The following SNTG1 variants were observed in gnomAD, a reference collection of about 807,000 sequenced individuals.
SNTG1 encodes gamma-1-syntrophin.
A neutral mutation model predicts 74.7 loss-of-function variants in SNTG1; 39 were observed. The ratio of observed to expected loss-of-function variants is 0.52; its 90% CI spans 0.40 to 0.68. The LOEUF is 0.68. SNTG1 is among the 30% of genes least tolerant of loss of function. SNTG1 has a pLI of 0.00. For missense variants in SNTG1, 685 were observed against 609.5 expected, an observed-to-expected ratio of 1.12 and a Z score of -1.30; for synonymous variants, 254 against 217.1, an observed-to-expected ratio of 1.17 and a Z score of -1.49.
rs180857581 is a variant in SNTG1 at position 50,328,551 on chromosome 8, G to T, written c.-27-65661G>T. Among the ~76,000 whole-genome samples the T allele has an allele frequency of 1.4e-3, 206 of 152,224 alleles. 7 individuals carry two copies. Among genetic ancestry groups the T allele is most frequent in the Admixed American group, 0.011 (168 of 15,284 alleles). Reference sequence around the variant, plus strand: ...GACAGAGAGAGCATGTGTGAAGGAGGTACTGTCAAACACTTATAAAACCAT... The same window carrying T: ...GACAGAGAGAGCATGTGTGAAGGAGTTACTGTCAAACACTTATAAAACCAT... On this transcript the variant is annotated intron_variant, in intron 2 of 18. Transcript: ENST00000642720.
chr8:50,512,790 CATTGGTTATTTT>C (rs1487123991), intron 9 of SNTG1, among the ~76,000 whole-genome samples: 1 of 152,122 alleles, frequency 6.6e-6, no homozygotes, highest in Non-Finnish European at 1.5e-5. Flanking sequence ...GACTGCTCTG[CATTGGTTATTTT>C]AGTTAGCCAT....
At chr8:50,764,924 A>G (rs1339978869) in intron 18 of SNTG1, among the ~76,000 whole-genome samples, 1 of 152,062 alleles carries the variant, frequency 6.6e-6, no homozygotes, top group Admixed American at 6.6e-5. Context: ...TGGTATATGT[A>G]TACATAATGG....
At chr8:50,240,637 G>A (rs1280110106) in intron 2 of SNTG1, among the ~76,000 whole-genome samples, 2 of 152,130 alleles carry the variant, frequency 1.3e-5, no homozygotes, top group East Asian at 3.9e-4. Context: ...GGATCCTGGA[G>A]CTCAGTCAAG....
At chr8:50,705,405 G>A (rs2095440145) in intron 16 of SNTG1, among the ~76,000 whole-genome samples, 1 of 152,020 alleles carries the variant, frequency 6.6e-6, no homozygotes, top group South Asian at 2.1e-4. Context: ...TTTACATGAA[G>A]TCATTAACAC....
intron 4 of SNTG1, among the ~76,000 whole-genome samples, chr8:50,425,117 G>A (rs1364359456): frequency 6.6e-6 from 1 of 152,080 alleles, no homozygotes; most frequent in African/African-American, 2.4e-5. Context: ...AAGAAGAAAT[G>A]GCACAAGATT....
intron 17 of SNTG1, among the ~76,000 whole-genome samples, chr8:50,727,258 G>T (rs1263921173): frequency 1.3e-5 from 2 of 152,182 alleles, no homozygotes; most frequent in Non-Finnish European, 2.9e-5. Context: ...TGGAGTAAAA[G>T]TGCTGACAAT....
At chr8:50,049,172 A>T (rs1369080451) in intron 1 of SNTG1, among the ~76,000 whole-genome samples, 1 of 152,150 alleles carries the variant, frequency 6.6e-6, no homozygotes, top group African/African-American at 2.4e-5. Context: ...CAACTATGTC[A>T]ATAATCACTT....
chr8:50,446,908 T>G (rs1187816261), intron 5 of SNTG1, among the ~76,000 whole-genome samples: 2 of 152,194 alleles, frequency 1.3e-5, no homozygotes, highest in Non-Finnish European at 2.9e-5. Flanking sequence ...TATAACATAT[T>G]TGCTTACATA....
chr8:50,130,338 T>C (rs2081279192), intron 1 of SNTG1, among the ~76,000 whole-genome samples: 2 of 151,984 alleles, frequency 1.3e-5, no homozygotes, highest in South Asian at 2.1e-4. Flanking sequence ...ATTTTACAGA[T>C]TTTTCATAAG....
intron 1 of SNTG1, among the ~76,000 whole-genome samples, chr8:50,141,562 C>T (rs1242501318): frequency 2.0e-5 from 3 of 152,072 alleles, no homozygotes; most frequent in Non-Finnish European, 2.9e-5. Context: ...ATTAAGCTTC[C>T]ATATAATTAT....
intron 2 of SNTG1, among the ~76,000 whole-genome samples, chr8:50,182,981 G>A (rs1314987947): frequency 6.6e-6 from 1 of 152,082 alleles, no homozygotes. Context: ...CCAAGATGAT[G>A]TCACTGATGC....
intron 2 of SNTG1, among the ~76,000 whole-genome samples, chr8:50,197,234 G>A (rs1469228989): frequency 1.3e-5 from 2 of 152,100 alleles, no homozygotes; most frequent in Non-Finnish European, 2.9e-5. Context: ...ACTGGCCTAT[G>A]CAAGGCCCGC....
At chr8:50,652,340 G>A (rs2095152308) in intron 13 of SNTG1, among the ~76,000 whole-genome samples, 1 of 152,056 alleles carries the variant, frequency 6.6e-6, no homozygotes, top group Admixed American at 6.6e-5. Context: ...AATAAATTAA[G>A]CAGATTGTAT....
At chr8:50,610,312 C>T (rs2094841343) in intron 13 of SNTG1, among the ~76,000 whole-genome samples, 1 of 152,078 alleles carries the variant, frequency 6.6e-6, no homozygotes, top group South Asian at 2.1e-4. Context: ...CATAGGATTC[C>T]ACTATCTACT....
At chr8:50,499,767 A>AT (rs920423068) in intron 8 of SNTG1, among the ~76,000 whole-genome samples, 1 of 151,816 alleles carries the variant, frequency 6.6e-6, no homozygotes, top group Admixed American at 6.6e-5. Flanking sequence ...ATTGACAAAT[A>AT]TTTTTTGATA....
intron 12 of SNTG1, among the ~76,000 whole-genome samples, chr8:50,558,407 T>C (rs1440514356): frequency 1.3e-5 from 2 of 152,196 alleles, no homozygotes; most frequent in Non-Finnish European, 2.9e-5. Flanking sequence ...ATGACTTAAT[T>C]TGTCTTGACC....
intron 18 of SNTG1, among the ~76,000 whole-genome samples, chr8:50,779,826 A>G (rs1272448305): frequency 6.6e-6 from 1 of 152,070 alleles, no homozygotes; most frequent in Non-Finnish European, 1.5e-5. Flanking sequence ...TCAGTATAAT[A>G]TTGGCTGTGG....
intron 17 of SNTG1, among the ~76,000 whole-genome samples, chr8:50,712,785 G>T (rs1399133445): frequency 2.0e-5 from 3 of 152,044 alleles, no homozygotes; most frequent in Non-Finnish European, 4.4e-5. Context: ...TTAGTTTGCT[G>T]GGAATGATGG....
chr8:50,707,093 TG>T (rs1281672415), intron 16 of SNTG1, among the ~76,000 whole-genome samples: 1 of 152,070 alleles, frequency 6.6e-6, no homozygotes, highest in Non-Finnish European at 1.5e-5. Context: ...AACTTGAGTC[TG>T]TATATAAATT....
Sources: gnomAD v4.1 joint callset for allele counts (sites outside exome capture counted in the v4.1 genomes callset) on GRCh38, gnomAD v4.1.1 for gene constraint, MANE v1.5 for transcripts, NCBI Gene and HGNC (gene_info 2026-07-23, HGNC 2026-07-21) for gene names.